Variants in MAN1A2 observed in about 807,000 individuals in gnomAD.
The protein encoded by MAN1A2 is mannosidase alpha class 1A member 2.
Under a neutral mutation model 75.7 loss-of-function variants are expected in MAN1A2, and 26 were observed. The observed-to-expected ratio is 0.34, with a 90% CI of 0.25 to 0.48. MAN1A2 has a LOEUF of 0.48. MAN1A2 is among the 20% of genes least tolerant of loss of function. The pLI, the probability that MAN1A2 is intolerant of heterozygous loss-of-function variation, is 0.99. For synonymous variants in MAN1A2, 247 were observed against 264.6 expected (o/e 0.93, Z 0.65); for missense variants, 562 against 775.5 (o/e 0.72, Z 3.27).
chr1:117,464,923 A>T (rs908430100), intron 7 of MAN1A2, among the ~76,000 whole-genome samples: 3 of 152,182 alleles, frequency 2.0e-5, no homozygotes, highest in African/African-American at 7.2e-5. Context: ...ATTTATACAA[A>T]GATATTACCA....
rs1207513184 is a variant in MAN1A2 at position 117,526,872 on chromosome 1, CTCTCTCTCTATATATA to C, written c.*3917_*3932del. The C allele has an allele frequency of 4.4e-3, 377 of 85,294 alleles. 2 individuals carry two copies. Among genetic ancestry groups the C allele is most frequent in the African/African-American group, 0.013 (269 of 20,722 alleles). 5.3% of individuals were successfully genotyped at this position (85,294 alleles called of 1,614,324 possible). A position where few individuals can be genotyped will look rare whatever the true frequency, so the allele number is the denominator to read the frequency against. On this transcript the variant is annotated 3_prime_UTR_variant, in exon 13 of 13. Transcript: ENST00000356554. ...TCTCTCTCTCTCTCTCTCTCTCTCT[CTCTCTCTCTATATATA>C]TATATATATATATATATATATGAGA...
intron 9 of MAN1A2, among the ~76,000 whole-genome samples, chr1:117,496,441 A>G (rs1304938445): frequency 2.6e-5 from 4 of 152,026 alleles, no homozygotes; most frequent in Non-Finnish European, 5.9e-5. Context: ...GGCTTCTCTT[A>G]TCCATGACAA....
Position 117,402,204 on chromosome 1 carries a change from G to T in MAN1A2, c.321G>T (p.Leu107=). The T allele has an allele frequency of 6.2e-7, 1 of 1,610,134 alleles. No individual in the cohort carries two copies. The highest frequency in any genetic ancestry group is 1.1e-5 in the South Asian group (1 of 89,866). The change falls in exon 2 of 13, where the codon CTG becomes CTT. Residue 107 remains leucine (L), a synonymous_variant. Coordinates refer to ENST00000356554, the MANE Select transcript of MAN1A2 (RefSeq NM_006699.5). Reference sequence around the variant, plus strand: ...CTCACAGGGAAGAGGAAGAACGTCTGAGAAATAAAATTCGAGCTGATCATG... The same window carrying T: ...CTCACAGGGAAGAGGAAGAACGTCTTAGAAATAAAATTCGAGCTGATCATG... The part of the protein sequence containing the change: ...EHRHREEEER[L]RNKIRADHEK...
Position 117,502,935 on chromosome 1 carries a change from T to C in MAN1A2, c.1758T>C (p.Asp586=), listed in dbSNP as rs2101882868. 1 of 1,603,450 alleles carries C rather than the reference T, an allele frequency of 6.2e-7. No individual in the cohort carries two copies. The highest frequency in any genetic ancestry group is 2.2e-5 in the East Asian group (1 of 44,496). The change falls in exon 12 of 13, where the codon GAT becomes GAC. Residue 586 remains aspartate (D), a synonymous_variant. Coordinates refer to ENST00000356554, the MANE Select transcript of MAN1A2 (RefSeq NM_006699.5). ...ATTCCTCTACTCCTACACATGATGA[T>C]GTACAGCAGAGCTTTTTTCTTGCTG... ...DVYSSTPTHD[D]VQQSFFLAET... is the part of the protein sequence containing the mutation.
chr1:117,460,376 G>A (rs144985203), intron 6 of MAN1A2, 113 bp from the exon 7 acceptor site: 84 of 593,410 alleles, frequency 1.4e-4, no homozygotes, highest in African/African-American at 1.1e-3. Flanking sequence ...ATAAGCTATC[G>A]TGTCAGATAT....
chr1:117,504,599 T>C (rs1651293954), intron 12 of MAN1A2, among the ~76,000 whole-genome samples: 1 of 151,426 alleles, frequency 6.6e-6, no homozygotes, highest in East Asian at 1.9e-4. Flanking sequence ...TTGTCTAATA[T>C]GTAATCCCAT....
At position 117,526,936 on chromosome 1, in the gene MAN1A2, T is replaced by C. The variant is rs934529635; in HGVS notation, c.*3979T>C. The C allele has an allele frequency of 7.0e-6, 1 of 142,170 alleles. No individual in the cohort carries two copies. The highest frequency in any genetic ancestry group is 2.6e-5 in the African/African-American group (1 of 38,656). 8.8% of individuals were successfully genotyped at this position (142,170 alleles called of 1,614,324 possible). ...AGAGATATATGAGATATATGAGAGA[T>C]CAAGATCTATATATGTATATAAATA... On this transcript the variant is annotated 3_prime_UTR_variant, in exon 13 of 13. Transcript: ENST00000356554.
chr1:117,445,600 C>T (rs1649195767), intron 6 of MAN1A2, among the ~76,000 whole-genome samples: 1 of 151,746 alleles, frequency 6.6e-6, no homozygotes, highest in Non-Finnish European at 1.5e-5. Context: ...AATCACAGCT[C>T]ACTGCAGCCT....
chr1:117,479,119 A>G (rs1570777221), intron 8 of MAN1A2, among the ~76,000 whole-genome samples: 1 of 151,268 alleles, frequency 6.6e-6, no homozygotes, highest in African/African-American at 2.4e-5. Context: ...TTGTTCCCCC[A>G]TGTATCCATG....
intron 12 of MAN1A2, among the ~76,000 whole-genome samples, chr1:117,505,681 C>A (rs999113504): frequency 6.6e-6 from 1 of 151,262 alleles, no homozygotes; most frequent in African/African-American, 2.4e-5. Flanking sequence ...CACTTCCTGG[C>A]AGCTAAAGCA....
chr1:117,503,712 C>T (rs1410939959), intron 12 of MAN1A2, among the ~76,000 whole-genome samples: 1 of 151,452 alleles, frequency 6.6e-6, no homozygotes, highest in Non-Finnish European at 1.5e-5. Flanking sequence ...ATGTGTATTA[C>T]CAGGCACTGT....
chr1:117,449,698 T>C (rs1649345536), intron 6 of MAN1A2, among the ~76,000 whole-genome samples: 1 of 152,142 alleles, frequency 6.6e-6, no homozygotes, highest in Non-Finnish European at 1.5e-5. Flanking sequence ...TGAAGGAAAT[T>C]AACAATGCTA....
intron 1 of MAN1A2, among the ~76,000 whole-genome samples, chr1:117,397,681 G>A (rs1375343863): frequency 1.0e-5 from 1 of 97,772 alleles, no homozygotes; most frequent in Non-Finnish European, 1.9e-5. Context: ...ACGTAGTTTC[G>A]CTTTTGTTGG....
At position 117,516,575 on chromosome 1, in the gene MAN1A2, T is replaced by C. The variant is rs184644727; in HGVS notation, c.1794-6250T>C. On this transcript the variant is annotated intron_variant, in intron 12 of 12. Coordinates refer to ENST00000356554, the MANE Select transcript of MAN1A2 (RefSeq NM_006699.5). The stretch of plus-strand genomic sequence containing the variant: ...TGCTTACTCTAAAGATGGAACCAGA[T>C]TTACCCTTCTGCCTGAAATAAATGA... 5.3e-5 allele frequency among the ~76,000 whole-genome samples: 8 copies of C among 152,254 alleles called. No homozygotes were observed. The East Asian group carries it at 1.5e-3, about 29-fold the overall frequency.
At chr1:117,516,532 A>G (rs1194189385) in intron 12 of MAN1A2, among the ~76,000 whole-genome samples, 1 of 152,162 alleles carries the variant, frequency 6.6e-6, no homozygotes, top group Non-Finnish European at 1.5e-5. Flanking sequence ...GTCTCTCACA[A>G]TGGATGAGTG....
chr1:117,526,880 C>CTATATATATATATATATATATA lies in MAN1A2; in HGVS notation c.*3931_*3952dup, dbSNP rs59022844. 5.5e-5 allele frequency: 3 copies of CTATATATATATATATATATATA among 54,510 alleles called. No homozygotes were observed. Among genetic ancestry groups the CTATATATATATATATATATATA allele is most frequent in the Admixed American group, 2.4e-4 (1 of 4,176 alleles). 3.4% of individuals were successfully genotyped at this position (54,510 alleles called of 1,614,324 possible). ...TCTCTCTCTCTCTCTCTCTCTCTCT[C>CTATATATATATATATATATATA]TATATATATATATATATATATATAT... On this transcript the variant is annotated 3_prime_UTR_variant, in exon 13 of 13. Coordinates refer to ENST00000356554, the MANE Select transcript of MAN1A2 (RefSeq NM_006699.5).
chr1:117,409,373 A>T (rs1399055603), intron 3 of MAN1A2, among the ~76,000 whole-genome samples: 2 of 148,308 alleles, frequency 1.3e-5, no homozygotes, highest in African/African-American at 2.5e-5. Flanking sequence ...TTTAGAGTTT[A>T]AAAAAATCCT....
intron 6 of MAN1A2, among the ~76,000 whole-genome samples, chr1:117,447,648 T>C (rs1170443165): frequency 6.6e-6 from 1 of 152,202 alleles, no homozygotes; most frequent in Admixed American, 6.5e-5. Context: ...AAATATAAAA[T>C]CTTGTTCCAA....
At chr1:117,459,632 A>G (rs1247085307) in intron 6 of MAN1A2, among the ~76,000 whole-genome samples, 1 of 152,178 alleles carries the variant, frequency 6.6e-6, no homozygotes, top group Non-Finnish European at 1.5e-5. Flanking sequence ...TTTTCATTTT[A>G]TGTAGTTTGC....
Sources: allele counts gnomAD v4.1 joint callset (sites outside exome capture counted in the v4.1 genomes callset), GRCh38; gene constraint gnomAD v4.1.1; transcripts MANE v1.5; gene names NCBI Gene and HGNC (gene_info 2026-07-23, HGNC 2026-07-21).